Variants in TMEM106B observed in about 807,000 individuals in gnomAD.
TMEM106B encodes transmembrane protein 106B.
A neutral mutation model predicts 31.1 loss-of-function variants in TMEM106B; 15 were observed. That is an observed-to-expected ratio of 0.48 (90% CI 0.32 to 0.74). The LOEUF (loss-of-function observed/expected upper bound fraction) is 0.74. TMEM106B is among the 30% of genes least tolerant of loss of function. The pLI is 0.03. For synonymous variants in TMEM106B, 126 were observed against 112.5 expected (o/e 1.12, Z -0.76); for missense variants, 283 against 327.3 (o/e 0.86, Z 1.04).
chr7:12,219,070 A>C (rs1781740217), intron 3 of TMEM106B, among the ~76,000 whole-genome samples: 1 of 152,196 alleles, frequency 6.6e-6, no homozygotes, highest in African/African-American at 2.4e-5. Flanking sequence ...AGACCACAAG[A>C]GACCTGCTAA....
Position 12,220,114 on chromosome 7 carries a change from T to A in TMEM106B, c.281+1593T>A, listed in dbSNP as rs7778823. Among the ~76,000 whole-genome samples the A allele has an allele frequency of 4.0e-3, 614 of 152,316 alleles. 5 individuals are homozygous for A. The highest frequency in any genetic ancestry group is 0.014 in the African/African-American group (586 of 41,578). The stretch of plus-strand genomic sequence containing the variant: ...TACAGTGCCTCAAACGGATAAGCAA[T>A]GGTGTGACATATTTAAATCAGGAAA... On this transcript the variant is annotated intron_variant, in intron 3 of 7. Transcript: ENST00000396668.
chr7:12,225,864 G>C (rs1015670766), intron 4 of TMEM106B, among the ~76,000 whole-genome samples: 2 of 152,114 alleles, frequency 1.3e-5, no homozygotes, highest in African/African-American at 4.8e-5. Context: ...ACTTTAATTA[G>C]ATCACATTTG....
At chr7:12,213,018 G>T (rs1477966917) in intron 1 of TMEM106B, among the ~76,000 whole-genome samples, 5 of 152,060 alleles carry the variant, frequency 3.3e-5, no homozygotes, top group African/African-American at 4.8e-5. Context: ...TACCAGCAGG[G>T]TGTATTATAT....
At chr7:12,219,036 C>T (rs562859337) in intron 3 of TMEM106B, among the ~76,000 whole-genome samples, 1 of 109,392 alleles carries the variant, frequency 9.1e-6, no homozygotes, top group Admixed American at 9.5e-5. Flanking sequence ...GATTTGCATG[C>T]TCTAGCTTGG....
At chr7:12,213,505 C>G (rs1388680391) in intron 1 of TMEM106B, among the ~76,000 whole-genome samples, 1 of 152,038 alleles carries the variant, frequency 6.6e-6, no homozygotes, top group Non-Finnish European at 1.5e-5. Flanking sequence ...GCAATTTTTG[C>G]CTTTAGTGCT....
At chr7:12,225,515 T>C (rs1457703468) in intron 4 of TMEM106B, among the ~76,000 whole-genome samples, 1 of 152,202 alleles carries the variant, frequency 6.6e-6, no homozygotes, top group African/African-American at 2.4e-5. Context: ...TTTCTCCACA[T>C]CCTCTCTACC....
At chr7:12,218,366 T>C in intron 2 of TMEM106B, 92 bp from the exon 3 acceptor site, 1 of 983,644 alleles carries the variant, frequency 1.0e-6, no homozygotes, top group Admixed American at 2.2e-5. Flanking sequence ...TGCCAGATGA[T>C]ATTCTGGTCT....
intron 4 of TMEM106B, among the ~76,000 whole-genome samples, chr7:12,225,139 TA>T (rs1781874964): frequency 6.6e-6 from 1 of 152,176 alleles, no homozygotes; most frequent in Admixed American, 6.5e-5. Context: ...GTCCTTGTGA[TA>T]GTTTGCTTAG....
intron 4 of TMEM106B, among the ~76,000 whole-genome samples, chr7:12,225,922 G>T (rs1360102062): frequency 8.5e-5 from 13 of 152,124 alleles, no homozygotes; most frequent in Non-Finnish European, 1.8e-4. Flanking sequence ...TAGTCATGAA[G>T]TCCTTGCCCA....
chr7:12,228,718 T>C (rs951417866), intron 4 of TMEM106B, among the ~76,000 whole-genome samples: 11 of 152,008 alleles, frequency 7.2e-5, no homozygotes, highest in Non-Finnish European at 1.3e-4. Flanking sequence ...ACTTCACATA[T>C]TTGCTAGCAG....
At chr7:12,230,269 C>A (rs1462614565) in intron 5 of TMEM106B, 120 bp from the exon 6 acceptor site, 3 of 780,932 alleles carry the variant, frequency 3.8e-6, no homozygotes, top group Non-Finnish European at 6.7e-6. Flanking sequence ...AAGATGAAAT[C>A]TTTGAGAATC....
Position 12,211,315 on chromosome 7 carries a change from T to A in TMEM106B, c.-113T>A, listed in dbSNP as rs991562112. ...TCCCAGCTCTACGGCGGCCGCGCGC[T>A]CCAGGCCGGTCGCTCCACCCCCCGG... is the stretch of plus-strand genomic sequence containing the variant. On this transcript the variant is annotated 5_prime_UTR_variant, in exon 1 of 8. Coordinates refer to ENST00000396668, the MANE Select transcript of TMEM106B (RefSeq NM_001134232.2). 8 of 152,326 alleles carry A rather than the reference T, an allele frequency of 5.3e-5. No individual in the cohort carries two copies. The highest frequency in any genetic ancestry group is 9.7e-5 in the African/African-American group (4 of 41,410). 9.4% of individuals were successfully genotyped at this position (152,326 alleles called of 1,614,324 possible).
At chr7:12,230,131 T>A (rs1254723922) in intron 5 of TMEM106B, among the ~76,000 whole-genome samples, 1 of 151,788 alleles carries the variant, frequency 6.6e-6, no homozygotes, top group South Asian at 2.1e-4. Flanking sequence ...GGTGGGAGGA[T>A]CACTGGAGCC....
At chr7:12,212,468 G>C (rs750991396) in intron 1 of TMEM106B, among the ~76,000 whole-genome samples, 7 of 149,894 alleles carry the variant, frequency 4.7e-5, no homozygotes, top group African/African-American at 7.4e-5. Context: ...TTTTTGATGT[G>C]GGCAGTGATT....
At chr7:12,231,364 T>TA (rs1782019405) in intron 7 of TMEM106B, 1 of 383,764 alleles carries the variant, frequency 2.6e-6, no homozygotes, top group Non-Finnish European at 4.6e-6. Context: ...ATGGAAAGGA[T>TA]ACAGGGAACT....
At chr7:12,230,079 G>A (rs1345332891) in intron 5 of TMEM106B, among the ~76,000 whole-genome samples, 2 of 151,918 alleles carry the variant, frequency 1.3e-5, no homozygotes, top group African/African-American at 2.4e-5. Context: ...TGTGCTGAGT[G>A]TGGTAGTGTG....
At position 12,212,414 on chromosome 7, in the gene TMEM106B, GTTGA is replaced by G. The variant is rs558385041; in HGVS notation, c.-3+992_-3+995del. 4.4e-3 allele frequency among the ~76,000 whole-genome samples: 674 copies of G among 151,960 alleles called. 12 individuals are homozygous for G. Among genetic ancestry groups the G allele is most frequent in the African/African-American group, 0.015 (642 of 41,468 alleles). ...CCTATCCTACCTGTGGCTGACAGGT[GTTGA>G]TTAAGACAATGATTTTTTAGAAGTC... On this transcript the variant is annotated intron_variant, in intron 1 of 7. Coordinates refer to ENST00000396668, the MANE Select transcript of TMEM106B (RefSeq NM_001134232.2).
At position 12,215,045 on chromosome 7, in the gene TMEM106B, G is replaced by T; in HGVS notation, c.217+18G>T. 1 of 1,591,584 alleles carries T rather than the reference G, an allele frequency of 6.3e-7. No homozygotes were observed. Among genetic ancestry groups the T allele is most frequent in the Non-Finnish European group, 8.6e-7 (1 of 1,167,992 alleles). On this transcript the variant is annotated intron_variant, in intron 2 of 7. Transcript: ENST00000396668. ...TCCTAGGGGTATGTGTTATTGTATTGTTTTCCCTTTAAATGATTTTAGGTA... is the reference window on the plus strand; with the variant it reads ...TCCTAGGGGTATGTGTTATTGTATTTTTTTCCCTTTAAATGATTTTAGGTA...
chr7:12,224,179 A>G (rs375973032), intron 3 of TMEM106B, 47 bp from the exon 4 acceptor site: 6 of 1,558,442 alleles, frequency 3.9e-6, no homozygotes, highest in African/African-American at 2.7e-5. Context: ...GTTGTGTTAT[A>G]TAATTTCTGA....
Sources: allele counts gnomAD v4.1 joint callset (sites outside exome capture counted in the v4.1 genomes callset), GRCh38; gene constraint gnomAD v4.1.1; transcripts MANE v1.5; gene names NCBI Gene and HGNC (gene_info 2026-07-23, HGNC 2026-07-21).